Variants in GPC5 observed in about 807,000 individuals in gnomAD.
The protein encoded by GPC5 is glypican-5.
GPC5 carries 47 observed loss-of-function variants against 53.9 expected under a neutral mutation model. The ratio of observed to expected loss-of-function variants is 0.87; its 90% confidence interval spans 0.69 to 1.11. GPC5 has a LOEUF of 1.11. Ranked by LOEUF, GPC5 falls within the 50% of genes most tolerant of loss-of-function variation. GPC5 has a pLI of 0.00. For synonymous variants in GPC5, 286 were observed against 263.3 expected (o/e 1.09, Z -0.84); for missense variants, 748 against 713.1 (o/e 1.05, Z -0.56).
At chr13:91,651,718 C>CAAA (rs36117858) in intron 2 of GPC5, among the ~76,000 whole-genome samples, 19,359 of 91,368 alleles carry the variant, frequency 0.21, 1,560 homozygotes, top group Middle Eastern at 0.39. Context: ...AACTCAGTCT[C>CAAA]AAAAAAAAAA....
intron 2 of GPC5, among the ~76,000 whole-genome samples, chr13:91,643,762 C>G (rs1428723750): frequency 6.6e-6 from 1 of 152,112 alleles, no homozygotes; most frequent in Non-Finnish European, 1.5e-5. Context: ...CACATGGCCT[C>G]CCCCCTGTGT....
intron 2 of GPC5, among the ~76,000 whole-genome samples, chr13:91,565,224 C>T (rs923977778): frequency 4.6e-5 from 7 of 152,002 alleles, no homozygotes; most frequent in South Asian, 2.1e-4. Context: ...TCCTGATCTC[C>T]GGTTATCTGC....
intron 2 of GPC5, among the ~76,000 whole-genome samples, chr13:91,542,536 T>C (rs1422356470): frequency 1.3e-5 from 2 of 152,158 alleles, no homozygotes; most frequent in South Asian, 4.1e-4. Context: ...TCAGAGCCAG[T>C]GTATGTGTAG....
intron 7 of GPC5, among the ~76,000 whole-genome samples, chr13:92,850,516 T>C (rs891380518): frequency 6.6e-6 from 1 of 151,986 alleles, no homozygotes; most frequent in African/African-American, 2.4e-5. Flanking sequence ...GGAGAATCGC[T>C]GGAACCCAGG....
intron 3 of GPC5, among the ~76,000 whole-genome samples, chr13:91,699,379 G>C (rs956973642): frequency 6.6e-6 from 1 of 152,160 alleles, no homozygotes; most frequent in African/African-American, 2.4e-5. Context: ...GAAGCCCATG[G>C]GTGGTTGGAC....
intron 7 of GPC5, among the ~76,000 whole-genome samples, chr13:92,699,913 G>A (rs1594430964): frequency 6.6e-6 from 1 of 152,152 alleles, no homozygotes; most frequent in Non-Finnish European, 1.5e-5. Context: ...TGTTGATTTG[G>A]AGTGGAGAGA....
Position 92,360,509 on chromosome 13 carries a change from A to T in GPC5, c.1561+215520A>T, listed in dbSNP as rs191142969. On this transcript the variant is annotated intron_variant, in intron 7 of 7. Transcript: ENST00000377067. ...AATAAGGGCCTTATATGACAAACCG[A>T]CAGCCAACATCATACTAAATGGGTA... Among the ~76,000 whole-genome samples the T allele has an allele frequency of 2.2e-4, 33 of 151,718 alleles. 1 individual carries two copies. The highest frequency in any genetic ancestry group is 7.6e-4 in the African/African-American group (31 of 40,976).
chr13:92,654,765 AG>A (rs1227690018), intron 7 of GPC5, among the ~76,000 whole-genome samples: 1 of 150,522 alleles, frequency 6.6e-6, no homozygotes, highest in African/African-American at 2.4e-5. Context: ...AAAAAAAAAA[AG>A]TAGAAGTAAA....
intron 7 of GPC5, among the ~76,000 whole-genome samples, chr13:92,808,648 C>A (rs542659931): frequency 1.9e-4 from 29 of 152,078 alleles, no homozygotes; most frequent in African/African-American, 6.5e-4. Context: ...AATATTTACC[C>A]TGAGATGTAT....
At chr13:92,419,275 A>G (rs962690830) in intron 7 of GPC5, among the ~76,000 whole-genome samples, 3 of 152,072 alleles carry the variant, frequency 2.0e-5, no homozygotes, top group Non-Finnish European at 2.9e-5. Flanking sequence ...GCCCAGCAGT[A>G]TTATTTTTTT....
At chr13:91,958,274 A>G (rs2040092716) in intron 6 of GPC5, among the ~76,000 whole-genome samples, 3 of 107,910 alleles carry the variant, frequency 2.8e-5, no homozygotes. Flanking sequence ...CAAAAACTGT[A>G]AAAAGAAAAA....
At chr13:92,122,740 CTTTTTTT>C (rs3058805) in intron 6 of GPC5, among the ~76,000 whole-genome samples, 7 of 67,084 alleles carry the variant, frequency 1.0e-4, no homozygotes, top group African/African-American at 1.9e-4. Context: ...ATAGGTCAGT[CTTTTTTT>C]TTTTTTTTTT....
At position 92,318,446 on chromosome 13, in the gene GPC5, T is replaced by C. The variant is rs187429644; in HGVS notation, c.1561+173457T>C. On this transcript the variant is annotated intron_variant, in intron 7 of 7. Transcript: ENST00000377067. Reference sequence around the variant, plus strand: ...ATAGACTTAAATAACCTCCAGAGCATAGACAAATGTAAAATATAACAAATA... The same window carrying C: ...ATAGACTTAAATAACCTCCAGAGCACAGACAAATGTAAAATATAACAAATA... Among the ~76,000 whole-genome samples the C allele has an allele frequency of 3.1e-4, 47 of 152,336 alleles. No individual in the cohort carries two copies. In the Middle Eastern group the frequency reaches 0.01, roughly 33 times the overall value.
At chr13:92,847,945 T>A (rs1394808282) in intron 7 of GPC5, among the ~76,000 whole-genome samples, 2 of 152,198 alleles carry the variant, frequency 1.3e-5, no homozygotes, top group Non-Finnish European at 2.9e-5. Context: ...ACTTACTGAG[T>A]TCCTATTTAC....
intron 2 of GPC5, among the ~76,000 whole-genome samples, chr13:91,632,772 G>C (rs918062644): frequency 7.2e-5 from 11 of 152,142 alleles, no homozygotes; most frequent in Non-Finnish European, 1.5e-4. Flanking sequence ...AAAAGCTGTT[G>C]AATGGTCACC....
chr13:91,988,509 A>G (rs1290342775), intron 6 of GPC5, among the ~76,000 whole-genome samples: 1 of 152,198 alleles, frequency 6.6e-6, no homozygotes, highest in Admixed American at 6.6e-5. Flanking sequence ...CTGATCTCAG[A>G]CAAAAGCAGA....
chr13:91,852,790 A>G (rs1248170521), intron 5 of GPC5, among the ~76,000 whole-genome samples: 1 of 152,120 alleles, frequency 6.6e-6, no homozygotes, highest in Non-Finnish European at 1.5e-5. Flanking sequence ...TAAGGGACCC[A>G]CTGTGGTATA....
chr13:92,738,581 G>A lies in GPC5; in HGVS notation c.1562-127701G>A, dbSNP rs539658994. 5.3e-5 allele frequency among the ~76,000 whole-genome samples: 8 copies of A among 152,102 alleles called. No homozygotes were observed. The South Asian group carries it at 6.2e-4, about 12-fold the overall frequency. On this transcript the variant is annotated intron_variant, in intron 7 of 7. Transcript: ENST00000377067. ...GTGTGAAGGAATAATAATGTTTAAC[G>A]TAAAGCCAACTATTCAAAATAACAA...
chr13:91,777,526 T>A (rs554074641), intron 5 of GPC5, among the ~76,000 whole-genome samples: 1 of 152,334 alleles, frequency 6.6e-6, no homozygotes, highest in South Asian at 2.1e-4. Flanking sequence ...ATTACAGAAC[T>A]AATTCTGTTG....
Sources: allele counts gnomAD v4.1 joint callset (sites outside exome capture counted in the v4.1 genomes callset), GRCh38; gene constraint gnomAD v4.1.1; transcripts MANE v1.5; gene names NCBI Gene and HGNC (gene_info 2026-07-23, HGNC 2026-07-21).